The following NELL2 variants were observed in gnomAD, a reference collection of about 807,000 sequenced individuals.
NELL2 encodes protein kinase C-binding protein NELL2.
Under a neutral mutation model 109.6 loss-of-function variants are expected in NELL2, and 41 were observed. The observed-to-expected ratio is 0.37, with a 90% CI of 0.29 to 0.49. NELL2 has a LOEUF of 0.49. NELL2 is among the 20% of genes least tolerant of loss of function. The pLI, the probability that NELL2 is intolerant of heterozygous loss-of-function variation, is 0.98. For missense variants in NELL2, 900 were observed against 1,008.3 expected (o/e 0.89, Z 1.45); for synonymous variants, 355 against 344.7 (o/e 1.03, Z -0.33).
At chr12:44,630,788 C>T (rs748838915) in intron 13 of NELL2, among the ~76,000 whole-genome samples, 10 of 151,896 alleles carry the variant, frequency 6.6e-5, no homozygotes, top group Non-Finnish European at 1.5e-4. Context: ...AAGGATACCC[C>T]GAGAAAGTGA....
intron 13 of NELL2, among the ~76,000 whole-genome samples, chr12:44,632,512 T>A (rs986771998): frequency 6.6e-6 from 1 of 152,032 alleles, no homozygotes; most frequent in African/African-American, 2.4e-5. Context: ...GATAATAATA[T>A]CAAACTTAGG....
chr12:44,658,877 C>CAAA (rs58696965), intron 13 of NELL2, among the ~76,000 whole-genome samples: 26 of 69,820 alleles, frequency 3.7e-4, no homozygotes, highest in East Asian at 8.0e-4. Context: ...ACTCTGTCTC[C>CAAA]AAAAAAAAAA....
At chr12:44,791,187 T>G (rs1322982242) in intron 3 of NELL2, among the ~76,000 whole-genome samples, 9 of 26,812 alleles carry the variant, frequency 3.4e-4, no homozygotes, top group Non-Finnish European at 5.0e-4. Context: ...TTCCATCATA[T>G]ATATATATAT....
chr12:44,692,587 GA>G (rs1948935734), intron 12 of NELL2, among the ~76,000 whole-genome samples: 1 of 152,106 alleles, frequency 6.6e-6, no homozygotes, highest in South Asian at 2.1e-4. Context: ...AAAGTAAGTT[GA>G]AAACCTTCTG....
chr12:44,621,523 A>G (rs1946059492), intron 13 of NELL2, among the ~76,000 whole-genome samples: 2 of 152,136 alleles, frequency 1.3e-5, no homozygotes, highest in African/African-American at 4.8e-5. Flanking sequence ...GGCCATACTC[A>G]ATAATTAAGT....
At chr12:44,780,245 T>C (rs1941907623) in intron 3 of NELL2, among the ~76,000 whole-genome samples, 1 of 151,994 alleles carries the variant, frequency 6.6e-6, no homozygotes, top group Non-Finnish European at 1.5e-5. Context: ...GGGTTTCCAT[T>C]TTGTGTCATA....
intron 12 of NELL2, among the ~76,000 whole-genome samples, chr12:44,700,263 C>T (rs1047675511): frequency 1.3e-5 from 2 of 152,202 alleles, no homozygotes; most frequent in African/African-American, 4.8e-5. Context: ...GACAAGCCCT[C>T]ACTGGCTTTC....
intron 15 of NELL2, among the ~76,000 whole-genome samples, chr12:44,593,075 T>A (rs1331032071): frequency 6.6e-6 from 1 of 152,054 alleles, no homozygotes; most frequent in Non-Finnish European, 1.5e-5. Context: ...GATTCCAGTA[T>A]AAAAAAGAAA....
At chr12:44,750,577 C>T (rs532262041) in intron 9 of NELL2, among the ~76,000 whole-genome samples, 2 of 152,180 alleles carry the variant, frequency 1.3e-5, no homozygotes, top group South Asian at 4.1e-4. Context: ...ACTTGAACTA[C>T]CAAGAAATTC....
chr12:44,878,960 A>G (rs1945381138), upstream of NELL2, among the ~76,000 whole-genome samples: 1 of 152,208 alleles, frequency 6.6e-6, no homozygotes, highest in Non-Finnish European at 1.5e-5. Context: ...GATGGAATTA[A>G]GATTGTTAAT....
At chr12:44,875,180 T>C in intron 2 of NELL2, 45 bp downstream of exon 2, 1 of 1,584,972 alleles carries the variant, frequency 6.3e-7, no homozygotes, top group Non-Finnish European at 8.6e-7. Flanking sequence ...CTGCCGGGGT[T>C]ATCGGAACTG....
At chr12:44,755,709 G>A (rs555783293) in intron 9 of NELL2, among the ~76,000 whole-genome samples, 8 of 152,214 alleles carry the variant, frequency 5.3e-5, no homozygotes, top group South Asian at 2.1e-4. Flanking sequence ...AGTGCTTCCT[G>A]TTCCATATGA....
At position 44,711,465 on chromosome 12, in the gene NELL2, C is replaced by T. The variant is rs563725876; in HGVS notation, c.1087-71G>A. On this transcript the variant is annotated intron_variant, in intron 10 of 19. Transcript: ENST00000429094. ...CTTGTTAAGAAGTTTCCAGATCCAGCATCTGAGAAGACTCTTTTAAGATCA... is the reference window on the plus strand; with the variant it reads ...CTTGTTAAGAAGTTTCCAGATCCAGTATCTGAGAAGACTCTTTTAAGATCA... 8.6e-5 allele frequency: 114 copies of T among 1,318,774 alleles called. No individual in the cohort carries two copies. The South Asian group carries it at 1.3e-3, about 15-fold the overall frequency. The allele number at this position is 1,318,774 out of a possible 1,614,324, so 81.7% of individuals were successfully genotyped here.
At chr12:44,509,012 A>C (rs201448813) in intron 19 of NELL2, 28 bp from the exon 20 acceptor site, 2 of 1,595,690 alleles carry the variant, frequency 1.3e-6, no homozygotes, top group Non-Finnish European at 1.7e-6. Flanking sequence ...AGAAAGAAAA[A>C]CAGTATGAAT....
chr12:44,642,703 G>A (rs532203508), intron 13 of NELL2, among the ~76,000 whole-genome samples: 2 of 152,206 alleles, frequency 1.3e-5, no homozygotes, highest in African/African-American at 2.4e-5. Flanking sequence ...CCAACATGAT[G>A]AAACCCTATC....
At chr12:44,856,572 G>A (rs893519475) in intron 2 of NELL2, among the ~76,000 whole-genome samples, 4 of 152,154 alleles carry the variant, frequency 2.6e-5, no homozygotes, top group African/African-American at 9.7e-5. Flanking sequence ...AGCTGTCTGG[G>A]GGAAGAGCAT....
At position 44,703,973 on chromosome 12, in the gene NELL2, AT is replaced by A; in HGVS notation, c.1190-120del. The A allele has an allele frequency of 7.6e-6, 6 of 786,322 alleles. No individual in the cohort carries two copies. The South Asian group carries it at 1.2e-4, about 15-fold the overall frequency. The allele number at this position is 786,322 out of a possible 1,614,324, so 48.7% of individuals were successfully genotyped here. On this transcript the variant is annotated intron_variant, in intron 11 of 19. Coordinates refer to ENST00000429094, the MANE Select transcript of NELL2 (RefSeq NM_001145108.2). ...CTCCCTAAATAATTTTTTAATTAGT[AT>A]CTTCATCAACATTTACAGAAGAATC... is the stretch of plus-strand genomic sequence containing the variant.
At chr12:44,767,645 A>G (rs950365040) in intron 9 of NELL2, among the ~76,000 whole-genome samples, 6 of 152,202 alleles carry the variant, frequency 3.9e-5, no homozygotes, top group African/African-American at 1.4e-4. Flanking sequence ...ATCTTTAGAG[A>G]GGGAAGAAAT....
chr12:44,855,345 A>T (rs573900225), intron 2 of NELL2, among the ~76,000 whole-genome samples: 1 of 152,200 alleles, frequency 6.6e-6, no homozygotes, highest in Non-Finnish European at 1.5e-5. Flanking sequence ...CTTTTTAACA[A>T]GGCATTCAAT....
Sources: allele counts gnomAD v4.1 joint callset (sites outside exome capture counted in the v4.1 genomes callset), GRCh38; gene constraint gnomAD v4.1.1; transcripts MANE v1.5; gene names NCBI Gene and HGNC (gene_info 2026-07-23, HGNC 2026-07-21).